The following ERMARD variants were observed in gnomAD, a reference collection of about 807,000 sequenced individuals.
The protein encoded by ERMARD is ER membrane associated RNA degradation, also known as endoplasmic reticulum membrane-associated RNA degradation protein.
ERMARD carries 71 observed loss-of-function variants against 83.9 expected under a neutral mutation model. That is an observed-to-expected ratio of 0.85 (90% confidence interval 0.70 to 1.03). ERMARD has a LOEUF of 1.03. Among genes scored for constraint, ERMARD ranks in the 50% least tolerant of loss-of-function variants. The pLI, the probability that ERMARD is intolerant of heterozygous loss-of-function variation, is 0.00. For synonymous variants in ERMARD, 284 were observed against 298.6 expected, an observed-to-expected ratio of 0.95 and a Z score of 0.50; for missense variants, 838 against 810.9, an observed-to-expected ratio of 1.03 and a Z score of -0.41.
chr6:169,767,848 AC>A (rs1562336203), intron 10 of ERMARD: 4 of 518,238 alleles, frequency 7.7e-6, no homozygotes, highest in Non-Finnish European at 1.4e-5. Context: ...ACACATATAC[AC>A]ACCACACATA....
intron 12 of ERMARD, chr6:169,773,088 G>A (rs1793167200): frequency 4.5e-6 from 2 of 445,548 alleles, no homozygotes; most frequent in Non-Finnish European, 7.9e-6. Context: ...GAGGGTGGGT[G>A]TGGCATTTGT....
intron 16 of ERMARD, among the ~76,000 whole-genome samples, chr6:169,777,378 G>C (rs1391290815): frequency 2.0e-5 from 3 of 152,106 alleles, no homozygotes; most frequent in Non-Finnish European, 4.4e-5. Flanking sequence ...TTATGAGGGA[G>C]GTCTGTATGT....
At chr6:169,777,539 T>A (rs1793737466) in intron 16 of ERMARD, among the ~76,000 whole-genome samples, 1 of 152,148 alleles carries the variant, frequency 6.6e-6, no homozygotes, top group African/African-American at 2.4e-5. Context: ...AAAGTTAAGT[T>A]CCCACAGCAT....
chr6:169,751,412 G>C (rs752660634), upstream of ERMARD: 1 of 1,614,166 alleles, frequency 6.2e-7, no homozygotes, highest in Non-Finnish European at 8.5e-7. Flanking sequence ...GGTCTGGTTC[G>C]GGGTCTGGAT....
chr6:169,762,044 A>G (rs1791621533), intron 8 of ERMARD, among the ~76,000 whole-genome samples: 1 of 151,422 alleles, frequency 6.6e-6, no homozygotes, highest in South Asian at 2.1e-4. Context: ...TGATATCTAG[A>G]CTGCAGCAGT....
intron 5 of ERMARD, among the ~76,000 whole-genome samples, chr6:169,757,540 G>A (rs1790968487): frequency 6.6e-6 from 1 of 152,022 alleles, no homozygotes; most frequent in South Asian, 2.1e-4. Flanking sequence ...ACTTACAGTG[G>A]AAAAAAATTC....
chr6:169,773,497 G>A lies in ERMARD; in HGVS notation c.1317+95G>A, dbSNP rs926635972. 5.5e-6 allele frequency: 7 copies of A among 1,266,458 alleles called. No individual in the cohort carries two copies. The African/African-American group carries it at 7.4e-5, about 13-fold the overall frequency. 78.5% of individuals were successfully genotyped at this position (1,266,458 alleles called of 1,614,324 possible). A position where few individuals can be genotyped will look rare whatever the true frequency, so the allele number is the denominator to read the frequency against. ...TGGAAGGGTGCAGTTTGCTTGCTGA[G>A]TCAGACTTTGAGTTGGGCAGATCCA... On this transcript the variant is annotated intron_variant, in intron 13 of 17. Transcript: ENST00000366773.
intron 16 of ERMARD, among the ~76,000 whole-genome samples, chr6:169,777,004 A>G (rs1332753117): frequency 2.0e-5 from 3 of 152,236 alleles, no homozygotes. Context: ...TGTAAGGTGT[A>G]CATTGGTTCC....
At chr6:169,774,110 C>T (rs971676062) in intron 13 of ERMARD, among the ~76,000 whole-genome samples, 47 of 152,096 alleles carry the variant, frequency 3.1e-4, no homozygotes, top group African/African-American at 9.4e-4. Flanking sequence ...CCGAGGCGGG[C>T]GGATCACAAC....
Position 169,751,822 on chromosome 6 carries a change from CTG to C in ERMARD, c.6+162_6+163del, listed in dbSNP as rs1001913588. 253 of 1,109,074 alleles carry C rather than the reference CTG, an allele frequency of 2.3e-4. 1 individual carries two copies. The Middle Eastern group carries it at 6.3e-3, about 27-fold the overall frequency. 68.7% of individuals were successfully genotyped at this position (1,109,074 alleles called of 1,614,324 possible). On this transcript the variant is annotated intron_variant, in intron 1 of 17. Transcript: ENST00000366773. ...GCTGGCGACGTCGCGGCCCTGGCCT[CTG>C]TGGCGGTATCGGACGCTCGGCCCTG...
intron 13 of ERMARD, among the ~76,000 whole-genome samples, chr6:169,774,836 G>A (rs965647865): frequency 7.2e-6 from 1 of 139,416 alleles, no homozygotes; most frequent in African/African-American, 2.9e-5. Flanking sequence ...TGGGGGTCCT[G>A]CAGGGACAGT....
In ERMARD at chr6:169,753,816, A is replaced by G. The variant is rs1415905049; in HGVS notation, c.7-48A>G. On this transcript the variant is annotated intron_variant, in intron 1 of 17. Transcript: ENST00000366773. ...ATGTGTCTGAAATATATAATACTCT[A>G]TTTTTCTTTCTGTTAAGCAGTGCCT... is the stretch of plus-strand genomic sequence containing the variant. 6 of 1,392,462 alleles carry G rather than the reference A, an allele frequency of 4.3e-6. No individual in the cohort carries two copies. In the Admixed American group the frequency reaches 7.9e-5, roughly 18 times the overall value. 86.3% of individuals were successfully genotyped at this position (1,392,462 alleles called of 1,614,324 possible). A position where few individuals can be genotyped will look rare whatever the true frequency, so the allele number is the denominator to read the frequency against.
At chr6:169,769,945 T>G (rs1255600024) in intron 12 of ERMARD, among the ~76,000 whole-genome samples, 1 of 152,242 alleles carries the variant, frequency 6.6e-6, no homozygotes, top group Non-Finnish European at 1.5e-5. Context: ...AAAACACATT[T>G]GCTTTTGTAT....
rs371095977 is a variant in ERMARD, at chr6:169,756,459, C to A, written c.417+20C>A. 49 of 1,488,910 alleles carry A rather than the reference C, an allele frequency of 3.3e-5. No individual in the cohort carries two copies. Among genetic ancestry groups the A allele is most frequent in the Non-Finnish European group, 4.3e-5 (47 of 1,081,736 alleles). The allele number at this position is 1,488,910 out of a possible 1,614,324, so 92.2% of individuals were successfully genotyped here. ...GGTGATGTAAGTGTGAGAACTCTTTCATTATTGGCCCATTAAATTATCTGA... is the reference window on the plus strand; with the variant it reads ...GGTGATGTAAGTGTGAGAACTCTTTAATTATTGGCCCATTAAATTATCTGA... On this transcript the variant is annotated intron_variant, in intron 4 of 17. Coordinates refer to ENST00000366773, the MANE Select transcript of ERMARD (RefSeq NM_018341.3).
At chr6:169,781,242 G>T in intron 17 of ERMARD, 88 bp from the exon 18 acceptor site, 6 of 1,224,498 alleles carry the variant, frequency 4.9e-6, no homozygotes, top group East Asian at 2.8e-5. Context: ...TTTACTTTAG[G>T]AATAATTCCA....
intron 8 of ERMARD, 66 bp from the exon 9 acceptor site, chr6:169,762,363 C>G: frequency 6.8e-7 from 1 of 1,459,968 alleles, no homozygotes. Context: ...GCATGAGCCA[C>G]TGCACCTGGC....
chr6:169,766,647 C>T lies in ERMARD; in HGVS notation c.970C>T (p.Leu324Phe). 1 of 1,579,738 alleles carries T rather than the reference C, an allele frequency of 6.3e-7. No individual in the cohort carries two copies. Among genetic ancestry groups the T allele is most frequent in the East Asian group, 2.3e-5 (1 of 43,714 alleles). The change falls in exon 10 of 18, where the codon CTT becomes TTT. Residue 324 changes from leucine (L) to phenylalanine (F), a missense_variant. Leu to Phe is a conservative substitution (Grantham distance 22). Transcript: ENST00000366773. ...CTTTCCTTTTCTGAAGTCAACAGCTCTTTATACCACCTTTGATCAAGTAAG... is the reference window on the plus strand; with the variant it reads ...CTTTCCTTTTCTGAAGTCAACAGCTTTTTATACCACCTTTGATCAAGTAAG... ...KRLLTAESTA[L>F]YTTFDQILAK...
intron 6 of ERMARD, 75 bp from the exon 7 acceptor site, chr6:169,759,763 G>T: frequency 1.5e-6 from 2 of 1,369,336 alleles, no homozygotes; most frequent in Non-Finnish European, 2.0e-6. Context: ...TTTTAAATTT[G>T]TATTTTTCAC....
rs752740921 is a variant in ERMARD, at chr6:169,781,548, G to C, written c.*35G>C. The C allele has an allele frequency of 5.8e-6, 9 of 1,547,126 alleles. No homozygotes were observed. The highest frequency in any genetic ancestry group is 7.9e-6 in the Non-Finnish European group (9 of 1,146,470). ...AGTCAGGATGCTTTTAATTTTAACA[G>C]ATTTTAACAGCGTGTAAATTAAAAA... On this transcript the variant is annotated 3_prime_UTR_variant, in exon 18 of 18. Transcript: ENST00000366773.
Sources: allele counts gnomAD v4.1 joint callset (sites outside exome capture counted in the v4.1 genomes callset), GRCh38; gene constraint gnomAD v4.1.1; transcripts MANE v1.5; gene names NCBI Gene and HGNC (gene_info 2026-07-23, HGNC 2026-07-21).